Variants in ME1 observed in about 807,000 individuals in gnomAD.
ME1 encodes NADP-dependent malic enzyme.
ME1 carries 74 observed loss-of-function variants against 66.4 expected under a neutral mutation model. That is an observed-to-expected ratio of 1.11 (90% confidence interval 0.92 to 1.35). The LOEUF (loss-of-function observed/expected upper bound fraction) is 1.35, where lower values mean the gene tolerates loss of function less well. ME1 is among the 40% of genes most tolerant of loss of function. The pLI, the probability that ME1 is intolerant of heterozygous loss-of-function variation, is 0.00. For missense variants in ME1, 750 were observed against 694.1 expected (o/e 1.08, Z -0.90); for synonymous variants, 251 against 235.6 (o/e 1.07, Z -0.60).
At chr6:83,241,295 A>C (rs1461281138) in intron 7 of ME1, among the ~76,000 whole-genome samples, 2 of 152,186 alleles carry the variant, frequency 1.3e-5, no homozygotes, top group African/African-American at 4.8e-5. Flanking sequence ...GCTCCCTTCC[A>C]ACTCTGAGAT....
At chr6:83,271,289 C>A (rs1171971611) in intron 6 of ME1, among the ~76,000 whole-genome samples, 1 of 152,122 alleles carries the variant, frequency 6.6e-6, no homozygotes, top group Non-Finnish European at 1.5e-5. Context: ...TTTACAGACA[C>A]AAATTGTCTG....
chr6:83,345,058 C>T (rs554038920), intron 5 of ME1, among the ~76,000 whole-genome samples: 6 of 152,022 alleles, frequency 3.9e-5, no homozygotes, highest in East Asian at 3.9e-4. Context: ...AGTCCAATTG[C>T]GCGATCATGG....
intron 5 of ME1, among the ~76,000 whole-genome samples, chr6:83,326,834 T>C (rs531826465): frequency 3.3e-5 from 5 of 152,288 alleles, no homozygotes; most frequent in Admixed American, 2.0e-4. Flanking sequence ...TGGCGACTCC[T>C]CAAGGATCTA....
rs183890782 is a variant in ME1 at position 83,421,412 on chromosome 6, G to A, written c.78+9465C>T. 3.3e-4 allele frequency among the ~76,000 whole-genome samples: 51 copies of A among 152,302 alleles called. 1 individual carries two copies. Among genetic ancestry groups the A allele is most frequent in the African/African-American group, 1.1e-3 (45 of 41,552 alleles). ...ACCTGAGGGTCTGGTTCTGTGCAAA[G>A]TGGTAGCTATAGTATACCTTGTCTC... On this transcript the variant is annotated intron_variant, in intron 1 of 13. Transcript: ENST00000369705.
At position 83,229,631 on chromosome 6, in the gene ME1, T is replaced by A. The variant is rs112317642; in HGVS notation, c.1027-700A>T. ...CAAGTATAAGTATAGTCATTTTACA[T>A]ATGCGGAAACATGTTCAGAGGTTTT... On this transcript the variant is annotated intron_variant, in intron 9 of 13. Transcript: ENST00000369705. 1.6e-3 allele frequency among the ~76,000 whole-genome samples: 251 copies of A among 152,316 alleles called. 1 individual carries two copies. Among genetic ancestry groups the A allele is most frequent in the African/African-American group, 5.8e-3 (240 of 41,576 alleles).
intron 1 of ME1, among the ~76,000 whole-genome samples, chr6:83,424,410 A>G (rs1008129757): frequency 8.5e-5 from 13 of 152,202 alleles, no homozygotes; most frequent in African/African-American, 3.1e-4. Flanking sequence ...ATATTTAAGT[A>G]ATTAAAAATT....
intron 13 of ME1, among the ~76,000 whole-genome samples, chr6:83,214,433 TAAAA>T (rs1198644479): frequency 6.6e-6 from 1 of 152,078 alleles, no homozygotes; most frequent in Non-Finnish European, 1.5e-5. Context: ...AAGTACCAAA[TAAAA>T]GTCTGCATCT....
At chr6:83,307,441 G>C (rs867241057) in intron 6 of ME1, among the ~76,000 whole-genome samples, 1 of 151,910 alleles carries the variant, frequency 6.6e-6, no homozygotes, top group South Asian at 2.1e-4. Flanking sequence ...TTTTCACCTG[G>C]TTATTTCACC....
At chr6:83,370,350 A>G (rs1347604880) in intron 3 of ME1, among the ~76,000 whole-genome samples, 1 of 152,182 alleles carries the variant, frequency 6.6e-6, no homozygotes, top group Non-Finnish European at 1.5e-5. Flanking sequence ...CCCGTATGTG[A>G]TAACTTGCTT....
intron 5 of ME1, among the ~76,000 whole-genome samples, chr6:83,332,711 C>T (rs1768438543): frequency 6.6e-6 from 1 of 151,960 alleles, no homozygotes; most frequent in Non-Finnish European, 1.5e-5. Context: ...GCTATGGGTA[C>T]ATAGGAGTAT....
At chr6:83,293,337 G>T (rs1145910) in intron 6 of ME1, among the ~76,000 whole-genome samples, 2 of 151,902 alleles carry the variant, frequency 1.3e-5, no homozygotes, top group African/African-American at 4.8e-5. Context: ...TGTATTCACA[G>T]CATCGTACAA....
chr6:83,399,773 A>G (rs556828522), intron 2 of ME1, among the ~76,000 whole-genome samples: 1 of 152,324 alleles, frequency 6.6e-6, no homozygotes, highest in African/African-American at 2.4e-5. Context: ...CTTACCAGCC[A>G]TTTTGAATTG....
At chr6:83,239,753 C>T in intron 7 of ME1, 117 bp from the exon 8 acceptor site, 1 of 672,534 alleles carries the variant, frequency 1.5e-6, no homozygotes, top group Non-Finnish European at 2.6e-6. Flanking sequence ...GAAGAGAAAC[C>T]TGTGGTTGTC....
At chr6:83,294,513 C>G (rs1041164354) in intron 6 of ME1, among the ~76,000 whole-genome samples, 1 of 152,144 alleles carries the variant, frequency 6.6e-6, no homozygotes, top group Non-Finnish European at 1.5e-5. Flanking sequence ...GCAGAGCCCC[C>G]TGCTCAGGCC....
intron 13 of ME1, among the ~76,000 whole-genome samples, chr6:83,215,314 A>G (rs1210907641): frequency 6.6e-6 from 1 of 152,184 alleles, no homozygotes. Flanking sequence ...GGTTGATACA[A>G]CTGAGCAGAT....
At chr6:83,313,200 G>T (rs1427048987) in intron 6 of ME1, among the ~76,000 whole-genome samples, 1 of 152,000 alleles carries the variant, frequency 6.6e-6, no homozygotes, top group Non-Finnish European at 1.5e-5. Context: ...ATTTAATTGG[G>T]TAGTGTTAGG....
intron 1 of ME1, among the ~76,000 whole-genome samples, chr6:83,425,893 T>C (rs1371871287): frequency 1.4e-5 from 2 of 139,566 alleles, no homozygotes; most frequent in Admixed American, 1.5e-4. Flanking sequence ...GGTTTCAATC[T>C]GTCCCCAAAA....
chr6:83,334,219 A>T (rs1440647748), intron 5 of ME1, among the ~76,000 whole-genome samples: 1 of 148,728 alleles, frequency 6.7e-6, no homozygotes, highest in African/African-American at 2.5e-5. Context: ...GCACCTGGAA[A>T]ATCGGGTCAC....
At chr6:83,359,291 A>G (rs949970614) in intron 3 of ME1, among the ~76,000 whole-genome samples, 2 of 152,214 alleles carry the variant, frequency 1.3e-5, no homozygotes, top group African/African-American at 4.8e-5. Context: ...ATAACTAGAC[A>G]AAAGTCCCGG....
Sources: gnomAD v4.1 joint callset for allele counts (sites outside exome capture counted in the v4.1 genomes callset) on GRCh38, gnomAD v4.1.1 for gene constraint, MANE v1.5 for transcripts, NCBI Gene and HGNC (gene_info 2026-07-23, HGNC 2026-07-21) for gene names.